The following GEMIN6 variants were observed in gnomAD, a reference collection of about 807,000 sequenced individuals.
The protein encoded by GEMIN6 is gem nuclear organelle associated protein 6.
A neutral mutation model predicts 14.1 loss-of-function variants in GEMIN6; 13 were observed. The ratio of observed to expected loss-of-function variants is 0.92; its 90% CI spans 0.60 to 1.46. The LOEUF is 1.46. GEMIN6 is among the 40% of genes most tolerant of loss of function. The pLI is 0.00. For synonymous variants in GEMIN6, 87 were observed against 70.0 expected (o/e 1.24, Z -1.21); for missense variants, 271 against 202.4 (o/e 1.34, Z -2.06).
chr2:38,779,944 A>G (rs1272074935), intron 2 of GEMIN6, among the ~76,000 whole-genome samples: 1 of 150,676 alleles, frequency 6.6e-6, no homozygotes, highest in Non-Finnish European at 1.5e-5. Context: ...TGGCCTCCCA[A>G]AGTGCTAGGA....
At chr2:38,779,246 T>C (rs1305023904) in intron 2 of GEMIN6, 128 bp downstream of exon 2, 7 of 1,034,086 alleles carry the variant, frequency 6.8e-6, no homozygotes, top group Non-Finnish European at 9.8e-6. Context: ...ATTTTTTGTT[T>C]GTTTGAGACA....
chr2:38,779,805 C>A (rs1410356444), intron 2 of GEMIN6, among the ~76,000 whole-genome samples: 2 of 147,286 alleles, frequency 1.4e-5, no homozygotes, highest in Non-Finnish European at 3.0e-5. Flanking sequence ...CCTCAGCCTC[C>A]CCAGTAGCTG....
Position 38,781,509 on chromosome 2 carries a change from C to T in GEMIN6, c.129-8C>T, listed in dbSNP as rs945507554. 3.1e-6 allele frequency: 5 copies of T among 1,595,000 alleles called. No homozygotes were observed. The Admixed American group carries it at 5.2e-5, about 17-fold the overall frequency. On this transcript the variant is annotated splice_polypyrimidine_tract_variant and splice_region_variant and intron_variant, in intron 2 of 2. Coordinates refer to ENST00000281950, the MANE Select transcript of GEMIN6 (RefSeq NM_024775.10). Reference sequence around the variant, plus strand: ...GATGATGCCTCTAAACTTACTTTTCCTCCAAAGTATTGTCCTTGTGAACTT... The same window carrying T: ...GATGATGCCTCTAAACTTACTTTTCTTCCAAAGTATTGTCCTTGTGAACTT...
chr2:38,779,652 A>T (rs1210593529), intron 2 of GEMIN6, among the ~76,000 whole-genome samples: 2 of 25,444 alleles, frequency 7.9e-5, no homozygotes, highest in Non-Finnish European at 1.2e-4. Flanking sequence ...ATATATATAT[A>T]TATATATATA....
chr2:38,779,664 A>ATATATATAT (rs1462670941), intron 2 of GEMIN6, among the ~76,000 whole-genome samples: 2 of 20,780 alleles, frequency 9.6e-5, no homozygotes, highest in African/African-American at 3.7e-4. Context: ...ATATATATAT[A>ATATATATAT]TTTTTTTTTT....
At chr2:38,780,697 C>T (rs1045872617) in intron 2 of GEMIN6, among the ~76,000 whole-genome samples, 11 of 151,660 alleles carry the variant, frequency 7.3e-5, no homozygotes, top group Admixed American at 3.3e-4. Flanking sequence ...GGCTCGATCT[C>T]GGCTCACTGC....
In GEMIN6 at chr2:38,781,794, G is replaced by T; in HGVS notation, c.406G>T (p.Asp136Tyr). The T allele has an allele frequency of 6.2e-7, 1 of 1,614,116 alleles. No individual in the cohort carries two copies. Among genetic ancestry groups the T allele is most frequent in the Non-Finnish European group, 8.5e-7 (1 of 1,180,006 alleles). The change falls in exon 3 of 3, where the codon GAC becomes TAC. Residue 136 changes from aspartate to tyrosine, a missense_variant. By Grantham distance (160) the Asp-to-Tyr change is radical. Transcript: ENST00000281950. ...CTGTGTGGCTGGGGTCCTGACTATAGACCCACCATATGGTCCAGAAAATTG... is the reference window on the plus strand; with the variant it reads ...CTGTGTGGCTGGGGTCCTGACTATATACCCACCATATGGTCCAGAAAATTG... Reference protein sequence around the residue: ...TLCVAGVLTIDPPYGPENCSS... With the variant: ...TLCVAGVLTIYPPYGPENCSS...
At position 38,781,854 on chromosome 2, in the gene GEMIN6, C is replaced by G; in HGVS notation, c.466C>G (p.Gln156Glu). Residue 156 changes from glutamine to glutamate, a missense_variant, in exon 3 of 3, where the codon CAG (glutamine) becomes GAG (glutamate). Gln to Glu is a conservative substitution (Grantham distance 29). Transcript: ENST00000281950. ...SSNEIILSRV[Q>E]DLIEGHLTAS... ...TAATGAGATTATTCTGTCGCGTGTT[C>G]AGGATCTTATTGAAGGACATCTTAC... is the stretch of plus-strand genomic sequence containing the variant. 1.2e-6 allele frequency: 2 copies of G among 1,612,230 alleles called. No homozygotes were observed. Among genetic ancestry groups the G allele is most frequent in the Non-Finnish European group, 1.7e-6 (2 of 1,178,796 alleles).
chr2:38,779,150 G>A (rs951017586), intron 2 of GEMIN6, 32 bp downstream of exon 2: 2 of 1,595,420 alleles, frequency 1.3e-6, no homozygotes, highest in Non-Finnish European at 1.7e-6. Context: ...CTGAAATCTT[G>A]ACACCCCTTT....
chr2:38,781,975 CTGTG>C lies in GEMIN6; in HGVS notation c.*91_*94del. The C allele has an allele frequency of 2.3e-6, 3 of 1,325,544 alleles. No individual in the cohort carries two copies. Among genetic ancestry groups the C allele is most frequent in the Non-Finnish European group, 3.1e-6 (3 of 962,210 alleles). 82.1% of individuals were successfully genotyped at this position (1,325,544 alleles called of 1,614,324 possible). A position where few individuals can be genotyped will look rare whatever the true frequency, so the allele number is the denominator to read the frequency against. On this transcript the variant is annotated 3_prime_UTR_variant, in exon 3 of 3. Transcript: ENST00000281950. ...ATGTTTTAAATGTAAATGTACATGA[CTGTG>C]TGTGTGTATGTGTGTGTGTGTATAA...
intron 2 of GEMIN6, 200 bp downstream of exon 2, chr2:38,779,318 C>G (rs143416458): frequency 7.8e-5 from 43 of 553,908 alleles, no homozygotes; most frequent in African/African-American, 7.2e-4. Context: ...GTAACCTCCA[C>G]CTCGCAGGTT....
At position 38,779,636 on chromosome 2, in the gene GEMIN6, CTATATATA is replaced by C. The variant is rs1171290307; in HGVS notation, c.128+540_128+547del. On this transcript the variant is annotated intron_variant, in intron 2 of 2. Transcript: ENST00000281950. The stretch of plus-strand genomic sequence containing the variant: ...AAATTGGGCATAGAAATTATTCTTA[CTATATATA>C]TATATATATATATATATATATTTTT... Among the ~76,000 whole-genome samples the C allele has an allele frequency of 9.3e-3, 335 of 36,054 alleles. 5 individuals are homozygous for C. The highest frequency in any genetic ancestry group is 0.045 in the Middle Eastern group (1 of 22). 23.7% of individuals were successfully genotyped at this position (36,054 alleles called of 152,430 possible).
chr2:38,783,732 A>T lies in GEMIN6; in HGVS notation c.*1840A>T, dbSNP rs1236920370. On this transcript the variant is annotated 3_prime_UTR_variant, in exon 3 of 3. Transcript: ENST00000281950. Reference sequence around the variant, plus strand: ...GTCTAATAACAAGATGGTATAGCCCAGTGCTTCTTGCACTTTAGCAAGCAT... The same window carrying T: ...GTCTAATAACAAGATGGTATAGCCCTGTGCTTCTTGCACTTTAGCAAGCAT... 6.6e-6 allele frequency: 1 copy of T among 152,184 alleles called. No homozygotes were observed. Among genetic ancestry groups the T allele is most frequent in the East Asian group, 1.9e-4 (1 of 5,190 alleles). 9.4% of individuals were successfully genotyped at this position (152,184 alleles called of 1,614,324 possible).
At chr2:38,779,304 C>T (rs1362068698) in intron 2 of GEMIN6, 186 bp downstream of exon 2, 1 of 605,042 alleles carries the variant, frequency 1.7e-6, no homozygotes, top group Non-Finnish European at 2.9e-6. Context: ...GATCTCGGCT[C>T]TTTGTAACCT....
chr2:38,781,226 C>G (rs1185715951), intron 2 of GEMIN6, among the ~76,000 whole-genome samples: 1 of 152,076 alleles, frequency 6.6e-6, no homozygotes, highest in Non-Finnish European at 1.5e-5. Context: ...CCTCGGCCTC[C>G]CAAAGTGCTG....
rs72119604 is a variant in GEMIN6 at position 38,784,377 on chromosome 2, T to TA, written c.*2499dup. On this transcript the variant is annotated 3_prime_UTR_variant, in exon 3 of 3. Transcript: ENST00000281950. ...CAACATGGTGAAACCCTGTCTCTAC[T>TA]AAAAAAAAAAAAAATAGCTGGGTGT... 472 of 140,632 alleles carry TA rather than the reference T, an allele frequency of 3.4e-3. 1 individual carries two copies. Among genetic ancestry groups the TA allele is most frequent in the South Asian group, 0.027 (120 of 4,402 alleles). The allele number at this position is 140,632 out of a possible 1,614,324, so 8.7% of individuals were successfully genotyped here.
At chr2:38,781,160 G>C (rs1160287336) in intron 2 of GEMIN6, among the ~76,000 whole-genome samples, 1 of 150,958 alleles carries the variant, frequency 6.6e-6, no homozygotes, top group Non-Finnish European at 1.5e-5. Flanking sequence ...TAGGGATTGG[G>C]TTTCACCATC....
chr2:38,778,960 T>G lies in GEMIN6; in HGVS notation c.-19-12T>G. On this transcript the variant is annotated splice_polypyrimidine_tract_variant and intron_variant, in intron 1 of 2. Coordinates refer to ENST00000281950, the MANE Select transcript of GEMIN6 (RefSeq NM_024775.10). ...TGGAACATATATTAACCAGCACTGG[T>G]GGTTGTTTCAGATTTAGCCAGGTGG... is the stretch of plus-strand genomic sequence containing the variant. The G allele has an allele frequency of 6.2e-7, 1 of 1,600,648 alleles. No individual in the cohort carries two copies. Among genetic ancestry groups the G allele is most frequent in the Non-Finnish European group, 8.5e-7 (1 of 1,173,632 alleles).
At chr2:38,778,722 C>T (rs1480788338) in intron 1 of GEMIN6, among the ~76,000 whole-genome samples, 1 of 152,080 alleles carries the variant, frequency 6.6e-6, no homozygotes, top group Non-Finnish European at 1.5e-5. Context: ...TGCTTTAGGC[C>T]GAATTGTACA....
Sources: gnomAD v4.1 joint callset for allele counts (sites outside exome capture counted in the v4.1 genomes callset) on GRCh38, gnomAD v4.1.1 for gene constraint, MANE v1.5 for transcripts, NCBI Gene and HGNC (gene_info 2026-07-23, HGNC 2026-07-21) for gene names.